Variants in USP28 observed in about 807,000 individuals in gnomAD.
USP28 encodes ubiquitin specific peptidase 28.
A neutral mutation model predicts 145.0 loss-of-function variants in USP28; 113 were observed. The ratio of observed to expected loss-of-function variants is 0.78; its 90% CI spans 0.67 to 0.91. The LOEUF (loss-of-function observed/expected upper bound fraction) is 0.91. Ranked by LOEUF, USP28 falls within the 40% of genes least tolerant of loss-of-function variation. The pLI is 0.00. For synonymous variants in USP28, 447 were observed against 450.9 expected (o/e 0.99, Z 0.11); for missense variants, 1,201 against 1,289.6 (o/e 0.93, Z 1.05).
At chr11:113,851,744 T>C (rs891260549) in intron 3 of USP28, among the ~76,000 whole-genome samples, 1 of 148,944 alleles carries the variant, frequency 6.7e-6, no homozygotes, top group South Asian at 2.1e-4. Flanking sequence ...CAGATCGCGC[T>C]ATTGCACTCT....
chr11:113,803,834 T>C (rs781539301), exon 22 of USP28: 4 of 1,613,920 alleles, frequency 2.5e-6, no homozygotes, highest in Non-Finnish European at 2.5e-6. Context: ...TGTTAGGAGA[T>C]ACACAGACAC....
At chr11:113,816,995 G>A (rs1941840313) in intron 13 of USP28, among the ~76,000 whole-genome samples, 1 of 152,100 alleles carries the variant, frequency 6.6e-6, no homozygotes, top group Admixed American at 6.6e-5. Flanking sequence ...ATGTGTTGGG[G>A]AGAATAGTTA....
chr11:113,815,254 C>A lies in USP28; in HGVS notation c.1592G>T (p.Arg531Leu). The change falls in exon 14 of 25, where the codon CGA becomes CTA. Residue 531 changes from arginine to leucine, a missense_variant. By Grantham distance (102) the Arg-to-Leu change is moderately radical (BLOSUM62 -2). Transcript: ENST00000003302. The stretch of plus-strand genomic sequence containing the variant: ...ATTTATCTCCTCATCTGTGACTGTT[C>A]GTGGAGCTGGCTGTGAAGGCATTTC... 4 of 1,614,128 alleles carry A rather than the reference C, an allele frequency of 2.5e-6. No homozygotes were observed. The South Asian group carries it at 4.4e-5, about 18-fold the overall frequency.
chr11:113,832,824 A>G (rs1281918294), intron 7 of USP28, among the ~76,000 whole-genome samples: 1 of 152,130 alleles, frequency 6.6e-6, no homozygotes, highest in Non-Finnish European at 1.5e-5. Flanking sequence ...AGGCTGGAGT[A>G]CAGTAGTGCA....
At chr11:113,864,016 A>G (rs1010638347) in intron 1 of USP28, among the ~76,000 whole-genome samples, 2 of 151,746 alleles carry the variant, frequency 1.3e-5, no homozygotes, top group Non-Finnish European at 2.9e-5. Context: ...AGGCGGATGG[A>G]TCACCTGAGG....
At chr11:113,835,942 T>C (rs1279930718) in intron 5 of USP28, among the ~76,000 whole-genome samples, 3 of 151,988 alleles carry the variant, frequency 2.0e-5, no homozygotes, top group Non-Finnish European at 4.4e-5. Context: ...TAGCCGGGCA[T>C]GGTGGCATGC....
chr11:113,805,903 A>T (rs940761384), intron 19 of USP28, among the ~76,000 whole-genome samples: 8 of 152,134 alleles, frequency 5.3e-5, no homozygotes, highest in African/African-American at 1.9e-4. Context: ...CAGGAAAGGA[A>T]GTCTCATATT....
intron 15 of USP28, 72 bp from the exon 16 acceptor site, chr11:113,812,576 A>T: frequency 7.5e-7 from 1 of 1,342,086 alleles, no homozygotes; most frequent in South Asian, 1.3e-5. Flanking sequence ...TTATTAAGAA[A>T]TTACTGTTTA....
At chr11:113,873,385 C>A (rs1949016840) in intron 1 of USP28, among the ~76,000 whole-genome samples, 1 of 152,200 alleles carries the variant, frequency 6.6e-6, no homozygotes, top group South Asian at 2.1e-4. Flanking sequence ...GGCCAGGAAT[C>A]GGAGTACTCC....
At chr11:113,861,443 A>T (rs1947685702) in intron 1 of USP28, among the ~76,000 whole-genome samples, 1 of 152,236 alleles carries the variant, frequency 6.6e-6, no homozygotes, top group Non-Finnish European at 1.5e-5. Context: ...TAACTGGCTT[A>T]AAGTTTTTAA....
chr11:113,831,306 A>G (rs1943957609), intron 8 of USP28, among the ~76,000 whole-genome samples: 1 of 152,238 alleles, frequency 6.6e-6, no homozygotes, highest in Admixed American at 6.5e-5. Flanking sequence ...ACTCTGTTGC[A>G]TAGTTTTACA....
intron 12 of USP28, 92 bp from the exon 13 acceptor site, chr11:113,817,929 A>G (rs908441806): frequency 1.8e-5 from 24 of 1,348,486 alleles, no homozygotes; most frequent in Non-Finnish European, 2.4e-5. Flanking sequence ...CAGCAAGTCA[A>G]TGGAAAGGCT....
chr11:113,870,049 C>T (rs947054743), intron 1 of USP28, among the ~76,000 whole-genome samples: 2 of 152,160 alleles, frequency 1.3e-5, no homozygotes, highest in South Asian at 2.1e-4. Flanking sequence ...GTAATCCCAG[C>T]CACTCGGGAG....
At chr11:113,815,353 A>G (rs964649064) in exon 14 of USP28, 10 of 1,614,202 alleles carry the variant, frequency 6.2e-6, no homozygotes, top group Non-Finnish European at 7.6e-6. Flanking sequence ...GGTACTTTCA[A>G]CATCCTGAGA....
At chr11:113,852,150 T>G (rs1245140902) in intron 3 of USP28, among the ~76,000 whole-genome samples, 4 of 152,158 alleles carry the variant, frequency 2.6e-5, no homozygotes, top group Non-Finnish European at 5.9e-5. Flanking sequence ...TGCCTCAGCC[T>G]CCCGAGCAGC....
At chr11:113,802,336 T>C (rs1939181449) in intron 23 of USP28, among the ~76,000 whole-genome samples, 1 of 152,224 alleles carries the variant, frequency 6.6e-6, no homozygotes, top group African/African-American at 2.4e-5. Context: ...CTAATACAGA[T>C]GTCAAAGTAT....
chr11:113,851,070 C>G (rs1332687927), intron 3 of USP28, among the ~76,000 whole-genome samples: 2 of 152,126 alleles, frequency 1.3e-5, no homozygotes, highest in African/African-American at 4.8e-5. Flanking sequence ...TCACACAACC[C>G]TACCTCCTCA....
chr11:113,853,598 G>A (rs895653905), intron 2 of USP28, among the ~76,000 whole-genome samples: 6 of 151,998 alleles, frequency 3.9e-5, no homozygotes, highest in East Asian at 1.9e-4. Context: ...CCCATGGCCC[G>A]GCGTGGTGGC....
At chr11:113,801,816 T>A (rs1196194464) in intron 23 of USP28, 138 bp from the exon 25 acceptor site, 2 of 607,752 alleles carry the variant, frequency 3.3e-6, no homozygotes, top group Admixed American at 6.1e-5. Flanking sequence ...TACTGATGCC[T>A]GGTTCCCACT....
Sources: gnomAD v4.1 joint callset for allele counts (sites outside exome capture counted in the v4.1 genomes callset) on GRCh38, gnomAD v4.1.1 for gene constraint, MANE v1.5 for transcripts, NCBI Gene and HGNC (gene_info 2026-07-23, HGNC 2026-07-21) for gene names.